The following PTPRK variants were observed in gnomAD, a reference collection of about 807,000 sequenced individuals.
PTPRK encodes the protein protein tyrosine phosphatase receptor type K.
PTPRK carries 75 observed loss-of-function variants against 178.0 expected under a neutral mutation model. The ratio of observed to expected loss-of-function variants is 0.42; its 90% CI spans 0.35 to 0.51. The LOEUF is 0.51. Among genes scored for constraint, PTPRK ranks in the 20% least tolerant of loss-of-function variants. The pLI is 0.02. For missense variants in PTPRK, 1,441 were observed against 1,797.8 expected (o/e 0.80, Z 3.59); for synonymous variants, 637 against 620.6 (o/e 1.03, Z -0.39).
chr6:128,450,964 C>A (rs1847718368), intron 1 of PTPRK, among the ~76,000 whole-genome samples: 1 of 152,138 alleles, frequency 6.6e-6, no homozygotes. Flanking sequence ...GACTGATTCA[C>A]TGAAGACAAA....
chr6:128,085,515 T>C (rs377041791), intron 8 of PTPRK, among the ~76,000 whole-genome samples: 1 of 152,224 alleles, frequency 6.6e-6, no homozygotes, highest in Non-Finnish European at 1.5e-5. Flanking sequence ...GAATAAATGT[T>C]GATTTGATGG....
At chr6:128,064,238 G>T (rs1781369110) in intron 13 of PTPRK, among the ~76,000 whole-genome samples, 1 of 152,088 alleles carries the variant, frequency 6.6e-6, no homozygotes, top group Non-Finnish European at 1.5e-5. Flanking sequence ...GAATTGCCCT[G>T]GTTATGAGCT....
intron 7 of PTPRK, among the ~76,000 whole-genome samples, chr6:128,096,163 T>C (rs1193729272): frequency 6.6e-6 from 1 of 152,216 alleles, no homozygotes; most frequent in Non-Finnish European, 1.5e-5. Flanking sequence ...CTGCCCCCAC[T>C]TAAATTCTAA....
At chr6:128,226,415 A>G (rs1811301984) in intron 5 of PTPRK, among the ~76,000 whole-genome samples, 1 of 152,180 alleles carries the variant, frequency 6.6e-6, no homozygotes, top group South Asian at 2.1e-4. Flanking sequence ...CAGTTATTTC[A>G]TTAAATACTA....
intron 7 of PTPRK, among the ~76,000 whole-genome samples, chr6:128,179,703 C>T (rs771835735): frequency 4.0e-5 from 6 of 151,890 alleles, no homozygotes; most frequent in South Asian, 4.1e-4. Flanking sequence ...TGAGTGTTAG[C>T]GGTTACTAGT....
At chr6:127,994,000 T>A (rs536631570) in intron 18 of PTPRK, among the ~76,000 whole-genome samples, 1 of 151,822 alleles carries the variant, frequency 6.6e-6, no homozygotes, top group Admixed American at 6.6e-5. Flanking sequence ...CAATTACAAA[T>A]TTGTCATAGA....
chr6:127,995,703 C>T (rs1777073121), intron 17 of PTPRK, among the ~76,000 whole-genome samples, 165 bp from the exon 18 acceptor site: 1 of 151,990 alleles, frequency 6.6e-6, no homozygotes, highest in Admixed American at 6.6e-5. Flanking sequence ...GTGAACCTTG[C>T]TATTACACTT....
chr6:128,167,508 C>T (rs1448451984), intron 7 of PTPRK, among the ~76,000 whole-genome samples: 1 of 151,858 alleles, frequency 6.6e-6, no homozygotes, highest in African/African-American at 2.4e-5. Context: ...TTCCATATTA[C>T]TTCCCTCCAT....
At chr6:127,998,304 T>C (rs1043295951) in intron 16 of PTPRK, among the ~76,000 whole-genome samples, 1 of 151,998 alleles carries the variant, frequency 6.6e-6, no homozygotes, top group African/African-American at 2.4e-5. Flanking sequence ...CTTCATCTGA[T>C]TTCTCAACCA....
At chr6:128,448,925 T>A (rs949436177) in intron 1 of PTPRK, among the ~76,000 whole-genome samples, 4 of 152,164 alleles carry the variant, frequency 2.6e-5, no homozygotes, top group Admixed American at 6.5e-5. Context: ...AATGGCATGA[T>A]CTCGGCTCAT....
At chr6:128,506,795 C>T (rs1032491016) in intron 1 of PTPRK, among the ~76,000 whole-genome samples, 2 of 151,772 alleles carry the variant, frequency 1.3e-5, no homozygotes, top group African/African-American at 4.8e-5. Context: ...TGTTAATCAG[C>T]ATATTGAGCT....
chr6:128,214,927 A>G (rs1808974777), intron 6 of PTPRK, among the ~76,000 whole-genome samples: 1 of 152,172 alleles, frequency 6.6e-6, no homozygotes, highest in East Asian at 1.9e-4. Context: ...AAAGTGATTG[A>G]TACTAACCCC....
intron 7 of PTPRK, among the ~76,000 whole-genome samples, chr6:128,112,832 T>A (rs1331609356): frequency 6.6e-6 from 1 of 152,134 alleles, no homozygotes; most frequent in African/African-American, 2.4e-5. Flanking sequence ...TGAATTAGAA[T>A]AGCCTGGTTA....
intron 13 of PTPRK, among the ~76,000 whole-genome samples, chr6:128,056,312 AAT>A (rs1779882976): frequency 6.6e-6 from 1 of 152,134 alleles, no homozygotes; most frequent in African/African-American, 2.4e-5. Context: ...ACTTCTGTTC[AAT>A]GCTATATCTA....
At chr6:128,401,099 C>T (rs150827669) in intron 1 of PTPRK, among the ~76,000 whole-genome samples, 36 of 152,294 alleles carry the variant, frequency 2.4e-4, no homozygotes, top group African/African-American at 8.4e-4. Context: ...ATTTCACAGA[C>T]TGCTAATTCC....
chr6:128,289,428 C>A (rs902798900), intron 3 of PTPRK, among the ~76,000 whole-genome samples: 7 of 152,092 alleles, frequency 4.6e-5, no homozygotes, highest in Admixed American at 4.6e-4. Context: ...AGTCTTAGTT[C>A]AAAGTATTGA....
intron 8 of PTPRK, among the ~76,000 whole-genome samples, chr6:128,089,254 A>G (rs746478508): frequency 6.6e-6 from 1 of 152,098 alleles, no homozygotes; most frequent in Non-Finnish European, 1.5e-5. Flanking sequence ...ATGAACCACT[A>G]CACCCGGCCC....
At chr6:128,517,099 C>T (rs918977218) in intron 1 of PTPRK, among the ~76,000 whole-genome samples, 27 of 151,394 alleles carry the variant, frequency 1.8e-4, no homozygotes, top group African/African-American at 4.4e-4. Context: ...CACACACGTG[C>T]GCACACACAC....
intron 3 of PTPRK, among the ~76,000 whole-genome samples, chr6:128,281,815 A>T (rs1821720137): frequency 6.6e-6 from 1 of 152,168 alleles, no homozygotes; most frequent in Non-Finnish European, 1.5e-5. Flanking sequence ...CCATATACTT[A>T]TACACAAACT....
Sources: gnomAD v4.1 joint callset for allele counts (sites outside exome capture counted in the v4.1 genomes callset) on GRCh38, gnomAD v4.1.1 for gene constraint, MANE v1.5 for transcripts, NCBI Gene and HGNC (gene_info 2026-07-23, HGNC 2026-07-21) for gene names.